The following TANC2 variants were observed in gnomAD, a reference collection of about 807,000 sequenced individuals.
TANC2 encodes the protein protein TANC2.
A neutral mutation model predicts 210.5 loss-of-function variants in TANC2; 26 were observed. The observed-to-expected ratio is 0.12, with a 90% CI of 0.09 to 0.17. The LOEUF is 0.17. TANC2 is among the 10% of genes least tolerant of loss of function. The probability of loss-of-function intolerance (pLI) is 1.00; values close to 1 mark genes in which losing one functional copy is unlikely to be tolerated. For synonymous variants in TANC2, 931 were observed against 967.1 expected, an observed-to-expected ratio of 0.96 and a Z score of 0.69; for missense variants, 2,129 against 2,608.9, an observed-to-expected ratio of 0.82 and a Z score of 4.01.
intron 9 of TANC2, among the ~76,000 whole-genome samples, chr17:63,307,828 C>A (rs987792629): frequency 6.6e-6 from 1 of 152,130 alleles, no homozygotes; most frequent in Non-Finnish European, 1.5e-5. Context: ...TGCAGTGGCG[C>A]GATCTCAGCT....
At chr17:63,332,385 T>A (rs2045887483) in intron 11 of TANC2, 1 of 310,544 alleles carries the variant, frequency 3.2e-6, no homozygotes, top group South Asian at 3.0e-5. Flanking sequence ...TTCATTTCAT[T>A]TAGCAACAAC....
At chr17:63,265,221 T>C (rs920345669) in intron 8 of TANC2, among the ~76,000 whole-genome samples, 1 of 152,190 alleles carries the variant, frequency 6.6e-6, no homozygotes, top group Admixed American at 6.5e-5. Flanking sequence ...GAAATGCTCA[T>C]TGGAGCATTT....
rs139048605 is a variant in TANC2 at position 63,208,425 on chromosome 17, G to A, written c.769+7468G>A. Among the ~76,000 whole-genome samples, 184 of 152,190 alleles carry A rather than the reference G, an allele frequency of 1.2e-3. 1 individual carries two copies. The East Asian group carries it at 0.027, about 22-fold the overall frequency. ...ATATTGTACTGTCTTAATTACAACC[G>A]CTATAAGTCTTGATACTTGGTAAAC... On this transcript the variant is annotated intron_variant, in intron 7 of 27. Transcript: ENST00000689528.
At chr17:63,005,665 CTT>C in intron 1 of TANC2, among the ~76,000 whole-genome samples, 1 of 151,860 alleles carries the variant, frequency 6.6e-6, no homozygotes, top group African/African-American at 2.4e-5. Context: ...TTTTCAGTGT[CTT>C]TTGTTAAGGA....
intron 4 of TANC2, among the ~76,000 whole-genome samples, chr17:63,146,250 GA>G (rs2145358189): frequency 6.6e-6 from 1 of 152,126 alleles, no homozygotes; most frequent in South Asian, 2.1e-4. Context: ...CTTGTGAGTT[GA>G]TTATGTATCC....
chr17:63,132,227 A>G (rs887826233), intron 4 of TANC2, among the ~76,000 whole-genome samples: 11 of 151,766 alleles, frequency 7.2e-5, no homozygotes, highest in African/African-American at 1.5e-4. Flanking sequence ...TTCTACCTCT[A>G]TCCTACTACT....
intron 5 of TANC2, among the ~76,000 whole-genome samples, chr17:63,188,457 G>A (rs2145711597): frequency 6.6e-6 from 1 of 152,090 alleles, no homozygotes. Context: ...GCTGGGCATG[G>A]TGGTGGGCGC....
chr17:63,284,549 G>A (rs2044162253), intron 9 of TANC2, among the ~76,000 whole-genome samples: 1 of 151,620 alleles, frequency 6.6e-6, no homozygotes, highest in Admixed American at 6.6e-5. Context: ...TTATTTCTGG[G>A]GAACTTCCAG....
chr17:63,028,115 CGA>C (rs1258895755), intron 2 of TANC2, among the ~76,000 whole-genome samples: 1 of 151,792 alleles, frequency 6.6e-6, no homozygotes, highest in Non-Finnish European at 1.5e-5. Context: ...AATACCTTAC[CGA>C]GATGGAAAAT....
chr17:63,157,094 G>A (rs1457249075), intron 5 of TANC2, among the ~76,000 whole-genome samples: 1 of 152,126 alleles, frequency 6.6e-6, no homozygotes, highest in Non-Finnish European at 1.5e-5. Flanking sequence ...TTAGGAAGGG[G>A]ATCGGGGACA....
intron 1 of TANC2, among the ~76,000 whole-genome samples, chr17:62,991,215 T>C (rs578119812): frequency 2.6e-5 from 4 of 152,248 alleles, no homozygotes; most frequent in Non-Finnish European, 5.9e-5. Context: ...CAAAATAATA[T>C]TAAAAAAACA....
intron 5 of TANC2, among the ~76,000 whole-genome samples, chr17:63,163,129 G>A (rs974894504): frequency 6.6e-6 from 1 of 151,832 alleles, no homozygotes; most frequent in African/African-American, 2.4e-5. Flanking sequence ...GAGAACATGA[G>A]GGGTGAAGGA....
Position 63,376,744 on chromosome 17 carries a change from T to C in TANC2, c.2583-2974T>C, listed in dbSNP as rs776726842. ...GACAAGTGTAGCTTGCATGGAATCA[T>C]CAGTATCATCTGAAGGTGTGAGTCC... On this transcript the variant is annotated intron_variant, in intron 14 of 27. Transcript: ENST00000689528. 3.4e-4 allele frequency among the ~76,000 whole-genome samples: 51 copies of C among 151,996 alleles called. No homozygotes were observed. The Middle Eastern group carries it at 0.014, about 41-fold the overall frequency.
intron 11 of TANC2, among the ~76,000 whole-genome samples, chr17:63,322,850 A>G (rs1391586970): frequency 1.3e-5 from 2 of 152,262 alleles, no homozygotes; most frequent in Admixed American, 1.3e-4. Context: ...ATTACATGTC[A>G]TAAGTAGGAA....
At chr17:63,009,586 G>T in exon 2 of TANC2, 2 of 1,613,090 alleles carry the variant, frequency 1.2e-6, no homozygotes, top group Non-Finnish European at 1.7e-6. Flanking sequence ...TCAAGATGCT[G>T]CTTACTGGTG....
At chr17:62,979,212 G>A (rs1218448701) in intron 1 of TANC2, among the ~76,000 whole-genome samples, 1 of 151,978 alleles carries the variant, frequency 6.6e-6, no homozygotes, top group African/African-American at 2.4e-5. Flanking sequence ...TTAATCTCAC[G>A]GTATACTTTA....
chr17:62,973,096 C>G (rs1295661455), intron 1 of TANC2, among the ~76,000 whole-genome samples: 1 of 151,090 alleles, frequency 6.6e-6, no homozygotes, highest in Non-Finnish European at 1.5e-5. Flanking sequence ...TGGCGGCCAT[C>G]TTGACTCACT....
rs775581769 is a variant in TANC2, at chr17:63,351,343, C to T, written c.1901C>T (p.Ser634Leu). 19 of 1,610,540 alleles carry T rather than the reference C, an allele frequency of 1.2e-5. No homozygotes were observed. The Admixed American group carries it at 1.8e-4, about 16-fold the overall frequency. The change falls in exon 13 of 28, where the codon TCG (serine) becomes TTG (leucine). Residue 634 changes from serine (S) to leucine (L), a missense_variant. Physicochemically the swap from Ser to Leu is moderately radical, Grantham distance 145. Coordinates refer to ENST00000689528, the Ensembl canonical transcript of TANC2. The stretch of plus-strand genomic sequence containing the variant: ...CCGGATTATGGGGATACAATTGTAT[C>T]GTTTCTGAGTAAAATGATCGGAAAG...
At chr17:63,301,021 A>G (rs1401928451) in intron 9 of TANC2, among the ~76,000 whole-genome samples, 2 of 152,194 alleles carry the variant, frequency 1.3e-5, no homozygotes, top group African/African-American at 4.8e-5. Context: ...CCTTTTCTTC[A>G]TCTGTTGAGA....
Sources: gnomAD v4.1 joint callset for allele counts (sites outside exome capture counted in the v4.1 genomes callset) on GRCh38, gnomAD v4.1.1 for gene constraint, MANE v1.5 for transcripts, NCBI Gene and HGNC (gene_info 2026-07-23, HGNC 2026-07-21) for gene names.